The following MBNL2 variants were observed in gnomAD, a reference collection of about 807,000 sequenced individuals.
The protein encoded by MBNL2 is muscleblind-like protein 2.
In MBNL2, 17 loss-of-function variants were observed where a neutral mutation model predicts 41.9. The observed-to-expected ratio is 0.41, with a 90% confidence interval of 0.28 to 0.61. The LOEUF is 0.61. MBNL2 is among the 20% of genes least tolerant of loss of function. MBNL2 has a pLI of 0.35. For missense variants in MBNL2, 336 were observed against 505.6 expected, an observed-to-expected ratio of 0.66 and a Z score of 3.22; for synonymous variants, 195 against 182.9, an observed-to-expected ratio of 1.07 and a Z score of -0.53.
the MBNL2 span, among the ~76,000 whole-genome samples, chr13:97,177,876 T>A: frequency 2.0e-5 from 3 of 152,314 alleles, no homozygotes; most frequent in Admixed American, 2.0e-4. Context: ...TGAAACAGTA[T>A]CTTCAAATTG....
intron 2 of MBNL2, among the ~76,000 whole-genome samples, chr13:97,285,155 C>T (rs957223576): frequency 1.3e-5 from 2 of 152,126 alleles, no homozygotes; most frequent in African/African-American, 2.4e-5. Context: ...AAAAATGACA[C>T]AATAGGAAGC....
chr13:97,378,258 C>CT (rs2065138132), intron 8 of MBNL2, among the ~76,000 whole-genome samples: 1 of 152,174 alleles, frequency 6.6e-6, no homozygotes, highest in Non-Finnish European at 1.5e-5. Context: ...AATACATTAT[C>CT]TGATCCTCAC....
chr13:97,259,623 A>G (rs933354155), intron 1 of MBNL2, among the ~76,000 whole-genome samples: 2 of 152,214 alleles, frequency 1.3e-5, no homozygotes, highest in Non-Finnish European at 2.9e-5. Context: ...CGAGCTGGTA[A>G]GATTTCCAGA....
the MBNL2 span, among the ~76,000 whole-genome samples, chr13:97,210,112 C>T: frequency 1.3e-5 from 2 of 151,966 alleles, no homozygotes; most frequent in Non-Finnish European, 2.9e-5. Flanking sequence ...GACTTTTAAC[C>T]AAAAAAACCC....
At chr13:97,325,468 C>A (rs190825738) in intron 2 of MBNL2, among the ~76,000 whole-genome samples, 2 of 152,170 alleles carry the variant, frequency 1.3e-5, no homozygotes, top group Non-Finnish European at 2.9e-5. Flanking sequence ...CAGTGGCTCA[C>A]GCCTGTAATC....
chr13:97,352,896 A>ACTT (rs2062631182), intron 5 of MBNL2, among the ~76,000 whole-genome samples: 1 of 152,176 alleles, frequency 6.6e-6, no homozygotes, highest in South Asian at 2.1e-4. Flanking sequence ...ACCAATATAT[A>ACTT]CTTCAGTCAT....
intron 2 of MBNL2, among the ~76,000 whole-genome samples, chr13:97,318,087 T>A (rs984495534): frequency 4.6e-5 from 7 of 152,228 alleles, no homozygotes; most frequent in Non-Finnish European, 7.3e-5. Context: ...TCTTACTAGC[T>A]GTGTCACTTT....
intron 7 of MBNL2, among the ~76,000 whole-genome samples, chr13:97,359,932 AG>A (rs1278172825): frequency 6.6e-6 from 1 of 152,230 alleles, no homozygotes; most frequent in Non-Finnish European, 1.5e-5. Context: ...AACCCATACC[AG>A]GAATTTTATT....
chr13:97,369,781 G>C (rs966331222), intron 8 of MBNL2, among the ~76,000 whole-genome samples: 1 of 152,150 alleles, frequency 6.6e-6, no homozygotes, highest in Admixed American at 6.5e-5. Context: ...ATTTAGACTG[G>C]TGGTTTGAGA....
rs373855683 is a variant in MBNL2 at position 97,347,052 on chromosome 13, C to T, written c.789C>T (p.Ala263=). ...QAAVAAQAAA[A]AATVMTQSTA... ...CGGTGGCCGCCCAGGCAGCCGCGGC[C>T]GCGGCCACAGTCATGGTAAGTGCGG... The change falls in exon 5 of 9, where the codon GCC becomes GCT. Residue 263 remains alanine (A), a synonymous_variant. Transcript: ENST00000679496. 8 of 1,602,918 alleles carry T rather than the reference C, an allele frequency of 5.0e-6. No individual in the cohort carries two copies. Among genetic ancestry groups the T allele is most frequent in the Admixed American group, 1.7e-5 (1 of 58,796 alleles).
chr13:97,174,472 C>A, the MBNL2 span, among the ~76,000 whole-genome samples: 4 of 152,172 alleles, frequency 2.6e-5, no homozygotes, highest in African/African-American at 7.2e-5. Context: ...ATAATGTCAA[C>A]CAAGTTTGGA....
chr13:97,374,241 G>A (rs1412008600), intron 8 of MBNL2, among the ~76,000 whole-genome samples: 6 of 151,348 alleles, frequency 4.0e-5, no homozygotes, highest in South Asian at 2.1e-4. Context: ...TCCGCCTCCC[G>A]GGTTCACGCC....
intron 1 of MBNL2, among the ~76,000 whole-genome samples, chr13:97,249,732 C>T (rs2046158217): frequency 6.6e-6 from 1 of 152,132 alleles, no homozygotes; most frequent in Admixed American, 6.5e-5. Context: ...TTTTCTTTAC[C>T]CTTTGCATAT....
At chr13:97,204,978 C>T in the MBNL2 span, among the ~76,000 whole-genome samples, 4 of 151,916 alleles carry the variant, frequency 2.6e-5, no homozygotes, top group Non-Finnish European at 5.9e-5. Context: ...TTGAGACCAT[C>T]CTGCCCAACA....
chr13:97,193,898 G>A, the MBNL2 span, among the ~76,000 whole-genome samples: 3 of 152,120 alleles, frequency 2.0e-5, no homozygotes, highest in Non-Finnish European at 4.4e-5. Flanking sequence ...CATCATTTTG[G>A]GTCACTTTCT....
At position 97,255,331 on chromosome 13, in the gene MBNL2, A is replaced by T. The variant is rs115657210; in HGVS notation, c.-604-20301A>T. On this transcript the variant is annotated intron_variant, in intron 1 of 8. Transcript: ENST00000679496. The stretch of plus-strand genomic sequence containing the variant: ...ATAAAAAACACATTTTAAATTGCAT[A>T]CCACTTCAATTATTTGACTTTTCTG... 4.8e-3 allele frequency among the ~76,000 whole-genome samples: 738 copies of T among 152,362 alleles called. 5 individuals are homozygous for T. Among genetic ancestry groups the T allele is most frequent in the African/African-American group, 0.017 (696 of 41,586 alleles).
chr13:97,380,254 G>A (rs1369395216), intron 8 of MBNL2, among the ~76,000 whole-genome samples: 1 of 152,128 alleles, frequency 6.6e-6, no homozygotes, highest in Non-Finnish European at 1.5e-5. Flanking sequence ...AACACTTTGG[G>A]AGGCTGAGGT....
chr13:97,236,266 G>A (rs2043255933), intron 1 of MBNL2, among the ~76,000 whole-genome samples: 1 of 152,018 alleles, frequency 6.6e-6, no homozygotes, highest in Non-Finnish European at 1.5e-5. Context: ...AGTGACAGTT[G>A]CTGCAAGAAA....
At chr13:97,335,418 A>G (rs538667409) in intron 3 of MBNL2, among the ~76,000 whole-genome samples, 55 of 152,190 alleles carry the variant, frequency 3.6e-4, no homozygotes, top group African/African-American at 1.3e-3. Context: ...CTAAATTAGG[A>G]GGGATGGCTA....
Sources: allele counts gnomAD v4.1 joint callset (sites outside exome capture counted in the v4.1 genomes callset), GRCh38; gene constraint gnomAD v4.1.1; transcripts MANE v1.5; gene names NCBI Gene and HGNC (gene_info 2026-07-23, HGNC 2026-07-21).